ZMIZ1: variants seen among roughly 807,000 people sequenced by gnomAD.
ZMIZ1 encodes zinc finger MIZ domain-containing protein 1.
A neutral mutation model predicts 113.9 loss-of-function variants in ZMIZ1; 17 were observed. That is an observed-to-expected ratio of 0.15 (90% confidence interval 0.10 to 0.22). The LOEUF is 0.22. Ranked by LOEUF, ZMIZ1 falls within the 10% of genes least tolerant of loss-of-function variation. The probability of loss-of-function intolerance (pLI) is 1.00; values close to 1 mark genes in which losing one functional copy is unlikely to be tolerated. For synonymous variants in ZMIZ1, 607 were observed against 603.1 expected, an observed-to-expected ratio of 1.01 and a Z score of -0.09; for missense variants, 1,059 against 1,477.8, an observed-to-expected ratio of 0.72 and a Z score of 4.65.
chr10:79,302,121 G>C lies in ZMIZ1; in HGVS notation c.2034G>C (p.Val678=). 1 of 1,613,968 alleles carries C rather than the reference G, an allele frequency of 6.2e-7. No individual in the cohort carries two copies. The highest frequency in any genetic ancestry group is 1.7e-5 in the Admixed American group (1 of 60,026). ...TCTCCCCGCAGTCCCACCTCTTCGT[G>C]CTGCAGCTGGTACACCGGCCCTCCG... is the stretch of plus-strand genomic sequence containing the variant. ...VTACCCSHLF[V]LQLVHRPSVR... is the part of the protein sequence containing the mutation. The change falls in exon 18 of 25, where the codon GTG becomes GTC. Residue 678 remains valine, a synonymous_variant. Coordinates refer to ENST00000334512, the MANE Select transcript of ZMIZ1 (RefSeq NM_020338.4).
At chr10:79,184,744 T>C (rs1165648688) in intron 4 of ZMIZ1, among the ~76,000 whole-genome samples, 3 of 152,188 alleles carry the variant, frequency 2.0e-5, no homozygotes, top group African/African-American at 4.8e-5. Context: ...GAGATGAGTT[T>C]AGAAATCCCA....
chr10:79,250,497 G>A (rs1850482383), intron 7 of ZMIZ1, among the ~76,000 whole-genome samples: 1 of 152,276 alleles, frequency 6.6e-6, no homozygotes, highest in South Asian at 2.1e-4. Flanking sequence ...CCTAGCATGT[G>A]TCAGCTCTGG....
chr10:79,277,355 A>C (rs79407124), intron 8 of ZMIZ1, 30 bp downstream of exon 8: 1 of 1,558,026 alleles, frequency 6.4e-7, no homozygotes, highest in Admixed American at 2.0e-5. Context: ...GGGTGCAGGT[A>C]CTGAGCAGAC....
Position 79,315,736 on chromosome 10 carries a change from G to A in ZMIZ1, c.*2987G>A, listed in dbSNP as rs897996341. On this transcript the variant is annotated 3_prime_UTR_variant, in exon 25 of 25. Transcript: ENST00000334512. ...GGGCCTGACCCGTCCACACAGGGCC[G>A]TGTCAACAGCAGCGACTCAAGGGAC... The A allele has an allele frequency of 6.5e-6, 1 of 152,788 alleles. No homozygotes were observed. Among genetic ancestry groups the A allele is most frequent in the Admixed American group, 6.5e-5 (1 of 15,284 alleles). The allele number at this position is 152,788 out of a possible 1,614,324, so 9.5% of individuals were successfully genotyped here.
chr10:79,292,552 G>A (rs772077572), intron 11 of ZMIZ1, among the ~76,000 whole-genome samples, 196 bp downstream of exon 11: 12 of 152,156 alleles, frequency 7.9e-5, no homozygotes, highest in Admixed American at 6.5e-5. Context: ...AGAATGGGGC[G>A]TGTCAGTGTG....
intron 8 of ZMIZ1, among the ~76,000 whole-genome samples, chr10:79,283,214 C>T (rs1295070901): frequency 6.6e-6 from 1 of 152,232 alleles, no homozygotes; most frequent in Non-Finnish European, 1.5e-5. Flanking sequence ...AACAGAGAGG[C>T]TTCTGGGCGG....
chr10:79,073,368 C>T lies in ZMIZ1; in HGVS notation c.-337+4098C>T, dbSNP rs114131176. ...GATTGCAAGTGCTAGAAGCATTTTGCTGAAGCTGCTCTCATCCAGACCTAC... is the reference window on the plus strand; with the variant it reads ...GATTGCAAGTGCTAGAAGCATTTTGTTGAAGCTGCTCTCATCCAGACCTAC... On this transcript the variant is annotated intron_variant, in intron 1 of 24. Transcript: ENST00000334512. Among the ~76,000 whole-genome samples, 1,428 of 152,324 alleles carry T rather than the reference C, an allele frequency of 9.4e-3. 21 individuals are homozygous for T. Among genetic ancestry groups the T allele is most frequent in the African/African-American group, 0.031 (1,309 of 41,560 alleles).
At chr10:79,134,269 C>T (rs910817800) in intron 2 of ZMIZ1, among the ~76,000 whole-genome samples, 3 of 152,164 alleles carry the variant, frequency 2.0e-5, no homozygotes, top group Admixed American at 6.5e-5. Context: ...GCTCACTCAC[C>T]GCTTCTGTAT....
At chr10:79,310,310 T>C (rs766880673) in intron 23 of ZMIZ1, among the ~76,000 whole-genome samples, 3 of 152,172 alleles carry the variant, frequency 2.0e-5, no homozygotes, top group Non-Finnish European at 4.4e-5. Context: ...CCTGCTCCTC[T>C]GACAGCCAAA....
At chr10:79,275,092 C>T (rs61851415) in intron 7 of ZMIZ1, among the ~76,000 whole-genome samples, 5,799 of 152,340 alleles carry the variant, frequency 0.038, 145 homozygotes, top group Non-Finnish European at 0.059. Context: ...CCAGTGCCCC[C>T]GCACAAGAGG....
At chr10:79,120,170 T>C (rs956199698) in intron 2 of ZMIZ1, among the ~76,000 whole-genome samples, 1 of 152,076 alleles carries the variant, frequency 6.6e-6, no homozygotes, top group African/African-American at 2.4e-5. Flanking sequence ...GGTGAGTGCA[T>C]AGATAATACA....
intron 4 of ZMIZ1, among the ~76,000 whole-genome samples, chr10:79,193,415 G>A (rs1408882400): frequency 2.0e-5 from 3 of 152,190 alleles, no homozygotes; most frequent in Non-Finnish European, 4.4e-5. Context: ...CCTCAACGGG[G>A]TAACCAGTGT....
At position 79,218,584 on chromosome 10, in the gene ZMIZ1, GGTGTGTGTGT is replaced by G. The variant is rs55736085; in HGVS notation, c.280+2323_280+2332del. Among the ~76,000 whole-genome samples, 996 of 147,894 alleles carry G rather than the reference GGTGTGTGTGT, an allele frequency of 6.7e-3. 10 individuals are homozygous for G. Among genetic ancestry groups the G allele is most frequent in the African/African-American group, 0.024 (932 of 39,222 alleles). ...AAAACATTGATCAAATAATTAGAGGGGTGTGTGTGTGTGTGTGTGTGTCTGTCTGTCTGTC... is the reference window on the plus strand; with the variant it reads ...AAAACATTGATCAAATAATTAGAGGGGTGTGTGTGTGTCTGTCTGTCTGTC... On this transcript the variant is annotated intron_variant, in intron 7 of 24. Coordinates refer to ENST00000334512, the MANE Select transcript of ZMIZ1 (RefSeq NM_020338.4).
rs144052949 is a variant in ZMIZ1, at chr10:79,299,174, C to G, written c.1791C>G (p.His597Gln). ...NHVFHLRPTVHQTLMWRSDLE... is the reference protein window; with the variant it reads ...NHVFHLRPTVQQTLMWRSDLE... Reference sequence around the variant, plus strand: ...TGTTCCACCTGCGGCCCACGGTCCACCAGACGCTGATGTGGAGGTGCGTGT... The same window carrying G: ...TGTTCCACCTGCGGCCCACGGTCCAGCAGACGCTGATGTGGAGGTGCGTGT... Residue 597 changes from histidine (H) to glutamine (Q), a missense_variant, in exon 16 of 25, where the codon CAC becomes CAG. Coordinates refer to ENST00000334512, the MANE Select transcript of ZMIZ1 (RefSeq NM_020338.4). The G allele has an allele frequency of 8.7e-6, 14 of 1,606,834 alleles. No homozygotes were observed. Among genetic ancestry groups the G allele is most frequent in the African/African-American group, 1.3e-5 (1 of 74,930 alleles).
intron 1 of ZMIZ1, among the ~76,000 whole-genome samples, chr10:79,094,295 C>T (rs1297301326): frequency 6.6e-6 from 1 of 152,216 alleles, no homozygotes; most frequent in African/African-American, 2.4e-5. Context: ...CTCAGAAGGC[C>T]ACGAACGCTG....
intron 7 of ZMIZ1, among the ~76,000 whole-genome samples, chr10:79,253,641 T>C (rs1355067060): frequency 6.6e-6 from 1 of 152,146 alleles, no homozygotes; most frequent in Non-Finnish European, 1.5e-5. Context: ...ACCTTCCAAG[T>C]CCGAGGCTTC....
intron 4 of ZMIZ1, among the ~76,000 whole-genome samples, chr10:79,164,886 C>G (rs1055440535): frequency 2.0e-5 from 3 of 152,234 alleles, no homozygotes; most frequent in East Asian, 1.9e-4. Flanking sequence ...CGGGAGGAAG[C>G]CTGTTCCCTC....
intron 1 of ZMIZ1, among the ~76,000 whole-genome samples, chr10:79,081,125 G>A (rs959111941): frequency 3.3e-5 from 5 of 152,106 alleles, no homozygotes; most frequent in African/African-American, 9.7e-5. Flanking sequence ...GTTCCACATC[G>A]TATGGAGCCC....
intron 7 of ZMIZ1, among the ~76,000 whole-genome samples, chr10:79,240,844 T>C (rs1288020525): frequency 1.3e-5 from 2 of 151,996 alleles, no homozygotes; most frequent in East Asian, 3.9e-4. Flanking sequence ...ACCAGGTCTG[T>C]CCCCCTCTGG....
Sources: gnomAD v4.1 joint callset for allele counts (sites outside exome capture counted in the v4.1 genomes callset) on GRCh38, gnomAD v4.1.1 for gene constraint, MANE v1.5 for transcripts, NCBI Gene and HGNC (gene_info 2026-07-23, HGNC 2026-07-21) for gene names.